Variants in OCA2 observed in about 807,000 individuals in gnomAD.
The protein encoded by OCA2 is OCA2 melanosomal transmembrane protein.
In OCA2, 77 loss-of-function variants were observed where a neutral mutation model predicts 100.2. The ratio of observed to expected loss-of-function variants is 0.77; its 90% CI spans 0.64 to 0.93. The LOEUF (loss-of-function observed/expected upper bound fraction) is 0.93. Among genes scored for constraint, OCA2 ranks in the 40% least tolerant of loss-of-function variants. The pLI is 0.00. For synonymous variants in OCA2, 432 were observed against 439.2 expected, an observed-to-expected ratio of 0.98 and a Z score of 0.21; for missense variants, 1,062 against 1,089.1, an observed-to-expected ratio of 0.98 and a Z score of 0.35.
Position 27,957,393 on chromosome 15 carries a change from T to C in OCA2, c.1784+195A>G, listed in dbSNP as rs557462551. Among the ~76,000 whole-genome samples the C allele has an allele frequency of 6.6e-6, 1 of 152,218 alleles. No homozygotes were observed. Among genetic ancestry groups the C allele is most frequent in the Non-Finnish European group, 1.5e-5 (1 of 68,046 alleles). ...TGAGCCTCTGGTTTTGTGTTGTTTC[T>C]TTGGTCCTTAAACTCGGCTGTGTAC... On this transcript the variant is annotated intron_variant, in intron 16 of 23. Coordinates refer to ENST00000354638, the MANE Select transcript of OCA2 (RefSeq NM_000275.3). The surrounding 1 kb of genome is among the most constrained non-coding windows in gnomAD (Gnocchi z 4.3).
At chr15:28,061,933 G>A (rs1667800225) in intron 2 of OCA2, among the ~76,000 whole-genome samples, 2 of 152,160 alleles carry the variant, frequency 1.3e-5, no homozygotes, top group Admixed American at 1.3e-4. Flanking sequence ...ATGTTCTGTT[G>A]TATGGATATG....
At chr15:27,956,631 G>T (rs954054051) in intron 16 of OCA2, among the ~76,000 whole-genome samples, 1 of 152,196 alleles carries the variant, frequency 6.6e-6, no homozygotes, top group African/African-American at 2.4e-5. Flanking sequence ...ATCTGTGCTT[G>T]CTGCCAAAGT....
intron 2 of OCA2, among the ~76,000 whole-genome samples, chr15:28,059,748 A>G (rs1401818304): frequency 6.6e-6 from 1 of 152,214 alleles, no homozygotes; most frequent in Non-Finnish European, 1.5e-5. Flanking sequence ...GGAAGGAAGC[A>G]TGCCTGGGCA....
intron 19 of OCA2, among the ~76,000 whole-genome samples, chr15:27,925,418 CAT>C (rs1567113405): frequency 6.6e-6 from 1 of 152,106 alleles, no homozygotes; most frequent in Admixed American, 6.5e-5. Flanking sequence ...AAGTCAAAAA[CAT>C]AAAGAAACAT....
chr15:28,005,093 G>A (rs565531954), intron 9 of OCA2, among the ~76,000 whole-genome samples: 21 of 152,244 alleles, frequency 1.4e-4, no homozygotes, highest in Admixed American at 2.6e-4. Flanking sequence ...GTGTCAGGGC[G>A]TCCAGGAGGC....
intron 21 of OCA2, among the ~76,000 whole-genome samples, chr15:27,870,840 AAG>A (rs970766943): frequency 7.2e-5 from 11 of 152,082 alleles, no homozygotes; most frequent in Non-Finnish European, 1.2e-4. Flanking sequence ...AAGAGAAAGA[AAG>A]AGAGAAAGCA....
intron 19 of OCA2, among the ~76,000 whole-genome samples, chr15:27,873,693 G>GTAA (rs1567047156): frequency 6.6e-6 from 1 of 152,044 alleles, no homozygotes; most frequent in Non-Finnish European, 1.5e-5. Flanking sequence ...TCTGCGTTAT[G>GTAA]TAATGTAAGA....
At chr15:27,994,590 G>A (rs1475220811) in intron 9 of OCA2, among the ~76,000 whole-genome samples, 1 of 152,196 alleles carries the variant, frequency 6.6e-6, no homozygotes, top group Non-Finnish European at 1.5e-5. Flanking sequence ...CTGTGCCTAT[G>A]AGTTTCTTTG....
chr15:27,951,989 GA>G (rs2040047037), intron 17 of OCA2, 97 bp from the exon 18 acceptor site: 1 of 870,284 alleles, frequency 1.1e-6, no homozygotes, highest in Admixed American at 1.9e-5. Flanking sequence ...CAGATTTCAC[GA>G]GGATGAAAAA....
intron 21 of OCA2, among the ~76,000 whole-genome samples, chr15:27,864,805 G>C (rs1046128685): frequency 1.3e-5 from 2 of 152,028 alleles, no homozygotes; most frequent in Admixed American, 1.3e-4. Flanking sequence ...AAAAGTTAAG[G>C]TTTAAATGGA....
At chr15:27,765,042 C>T (rs1278209107) in intron 23 of OCA2, among the ~76,000 whole-genome samples, 2 of 152,120 alleles carry the variant, frequency 1.3e-5, no homozygotes, top group African/African-American at 4.8e-5. Flanking sequence ...AGGGTTCCTC[C>T]CATTTTTAGA....
At chr15:27,955,755 G>A (rs1228134448) in intron 16 of OCA2, among the ~76,000 whole-genome samples, 1 of 152,178 alleles carries the variant, frequency 6.6e-6, no homozygotes, top group Non-Finnish European at 1.5e-5. Flanking sequence ...GAGGCCAGCA[G>A]TTGGGGAAGA....
chr15:27,902,948 G>A (rs1443575544), intron 19 of OCA2, among the ~76,000 whole-genome samples: 1 of 152,214 alleles, frequency 6.6e-6, no homozygotes, highest in African/African-American at 2.4e-5. Context: ...GGCCTGCAGA[G>A]CTCACATCCT....
chr15:27,836,996 C>G (rs974103509), intron 23 of OCA2, among the ~76,000 whole-genome samples: 1 of 152,180 alleles, frequency 6.6e-6, no homozygotes, highest in African/African-American at 2.4e-5. Flanking sequence ...CTTAATGTGT[C>G]TCTATGTTTA....
intron 2 of OCA2, among the ~76,000 whole-genome samples, chr15:28,057,535 C>T (rs935699951): frequency 6.6e-6 from 1 of 152,142 alleles, no homozygotes; most frequent in African/African-American, 2.4e-5. Flanking sequence ...ACAGACAGGG[C>T]CCCACAGACA....
intron 23 of OCA2, among the ~76,000 whole-genome samples, chr15:27,832,303 C>G (rs568512617): frequency 6.6e-6 from 1 of 152,186 alleles, no homozygotes; most frequent in African/African-American, 2.4e-5. Context: ...CGGGGCCACT[C>G]GGTCCTCCTC....
chr15:27,979,629 A>G (rs545636844), intron 14 of OCA2, among the ~76,000 whole-genome samples: 79 of 150,932 alleles, frequency 5.2e-4, no homozygotes, highest in African/African-American at 1.9e-3. Context: ...TATCATATAC[A>G]TTTTTAACTT....
At chr15:28,017,237 C>A (rs1393573849) in intron 7 of OCA2, among the ~76,000 whole-genome samples, 1 of 152,174 alleles carries the variant, frequency 6.6e-6, no homozygotes, top group Admixed American at 6.5e-5. Flanking sequence ...GGGGAAAAAT[C>A]CTTTAGTAAA....
chr15:27,769,244 G>T (rs543288318), intron 23 of OCA2, among the ~76,000 whole-genome samples: 6 of 152,324 alleles, frequency 3.9e-5, no homozygotes, highest in Admixed American at 3.3e-4. Flanking sequence ...GAAGGCACTT[G>T]CGTGTCAAAG....
Sources: allele counts gnomAD v4.1 joint callset (sites outside exome capture counted in the v4.1 genomes callset), GRCh38; gene constraint gnomAD v4.1.1; non-coding constraint Gnocchi (gnomAD v3.1); transcripts MANE v1.5; gene names NCBI Gene and HGNC (gene_info 2026-07-23, HGNC 2026-07-21).